Variants in NVL observed in about 807,000 individuals in gnomAD.
NVL encodes nuclear valosin-containing protein-like.
In NVL, 84 loss-of-function variants were observed where a neutral mutation model predicts 110.2. The ratio of observed to expected loss-of-function variants is 0.76; its 90% CI spans 0.64 to 0.91. The LOEUF (loss-of-function observed/expected upper bound fraction) is 0.91, where lower values mean the gene tolerates loss of function less well. Ranked by LOEUF, NVL falls within the 40% of genes least tolerant of loss-of-function variation. The pLI is 0.00. For missense variants in NVL, 882 were observed against 1,035.9 expected (o/e 0.85, Z 2.04); for synonymous variants, 354 against 361.1 (o/e 0.98, Z 0.22).
chr1:224,233,634 CTGT>C, intron 20 of NVL, among the ~76,000 whole-genome samples: 1 of 152,104 alleles, frequency 6.6e-6, no homozygotes. Flanking sequence ...TGGCATGCAC[CTGT>C]AGTCCCAGGC....
chr1:224,286,057 G>C lies in NVL; in HGVS notation c.1868C>G (p.Pro623Arg). 1.2e-6 allele frequency: 2 copies of C among 1,613,988 alleles called. No individual in the cohort carries two copies. Among genetic ancestry groups the C allele is most frequent in the South Asian group, 1.1e-5 (1 of 91,076 alleles). Residue 623 changes from proline to arginine, a missense_variant, in exon 15 of 23, where the codon CCT becomes CGT. By Grantham distance (103) the Pro-to-Arg change is moderately radical (BLOSUM62 -2). This residue lies in a region of NVL where 416 missense variants were observed against 499.3 expected (regional missense o/e 0.83). Transcript: ENST00000281701. Reference protein sequence around the residue: ...VTPAGVLLAGPPGCGKTLLAK... With the variant: ...VTPAGVLLAGRPGCGKTLLAK... ...CAGCAGAGTCTTCCCACAGCCAGGA[G>C]GACCAGCAAGGAGGACCCCAGCTGG...
rs1157825803 is a variant in NVL, at chr1:224,318,232, T to C, written c.132-302A>G. 2.0e-5 allele frequency among the ~76,000 whole-genome samples: 3 copies of C among 152,186 alleles called. No homozygotes were observed. In the South Asian group the frequency reaches 6.2e-4, roughly 32 times the overall value. ...CTCGTATATTCTTTACCTATAGTAT[T>C]CTCAAACTGCCACATTTACTTTACT... On this transcript the variant is annotated intron_variant, in intron 2 of 22. Transcript: ENST00000281701.
At chr1:224,259,752 T>G (rs1402307773) in intron 18 of NVL, among the ~76,000 whole-genome samples, 3 of 152,100 alleles carry the variant, frequency 2.0e-5, no homozygotes, top group Non-Finnish European at 4.4e-5. Context: ...CTTTCCAGGT[T>G]CAAGCAATTC....
At chr1:224,328,469 G>GA (rs34119387) in intron 1 of NVL, among the ~76,000 whole-genome samples, 130,089 of 144,074 alleles carry the variant, frequency 0.9, 58,909 homozygotes, top group Middle Eastern at 0.96. Flanking sequence ...GCAGTGAGCA[G>GA]AAAAAAAAAA....
chr1:224,305,447 G>A (rs1558336717), intron 6 of NVL: 1 of 255,572 alleles, frequency 3.9e-6, no homozygotes, highest in East Asian at 7.4e-5. Flanking sequence ...CCCTGTGCAA[G>A]GATGACATGG....
At chr1:224,244,841 C>T (rs1661630684) in intron 19 of NVL, among the ~76,000 whole-genome samples, 1 of 152,108 alleles carries the variant, frequency 6.6e-6, no homozygotes, top group Admixed American at 6.5e-5. Context: ...GCACGCACCA[C>T]CACGCCCAGC....
Position 224,314,778 on chromosome 1 carries a change from T to G in NVL, c.284+2916A>C, listed in dbSNP as rs180846827. Among the ~76,000 whole-genome samples the G allele has an allele frequency of 1.0e-3, 159 of 151,996 alleles. 1 individual carries two copies. Among genetic ancestry groups the G allele is most frequent in the Non-Finnish European group, 2.2e-4 (15 of 67,932 alleles). On this transcript the variant is annotated intron_variant, in intron 4 of 22. Transcript: ENST00000281701. Reference sequence around the variant, plus strand: ...ATTCCAAAAATGAACAAAAGAAAATTCAGACCAATATGACATACAGATGCA... The same window carrying G: ...ATTCCAAAAATGAACAAAAGAAAATGCAGACCAATATGACATACAGATGCA...
In NVL at chr1:224,307,922, T is replaced by C. The variant is rs74146346; in HGVS notation, c.615+69A>G. On this transcript the variant is annotated intron_variant, in intron 6 of 22. Transcript: ENST00000281701. ...CCACAAAACACAAGTATCTGATTGA[T>C]ATTATATTCAACTAAAAGGTTGAAA... The C allele has an allele frequency of 3.5e-3, 4,981 of 1,413,150 alleles. 198 individuals are homozygous for C. In the African/African-American group the frequency reaches 0.064, roughly 18 times the overall value. The allele number at this position is 1,413,150 out of a possible 1,614,324, so 87.5% of individuals were successfully genotyped here.
rs112225008 is a variant in NVL, at chr1:224,319,080, A to G, written c.132-1150T>C. Among the ~76,000 whole-genome samples, 828 of 134,904 alleles carry G rather than the reference A, an allele frequency of 6.1e-3. 7 individuals carry two copies. Among genetic ancestry groups the G allele is most frequent in the African/African-American group, 0.021 (776 of 36,330 alleles). The allele number at this position is 134,904 out of a possible 152,430, so 88.5% of individuals were successfully genotyped here. Reference sequence around the variant, plus strand: ...TGAGGCAGGAGAATCCCATGAACCCAGGAGGCGGAGGTTGCAGTGAGCCGA... The same window carrying G: ...TGAGGCAGGAGAATCCCATGAACCCGGGAGGCGGAGGTTGCAGTGAGCCGA... On this transcript the variant is annotated intron_variant, in intron 2 of 22. Transcript: ENST00000281701.
intron 18 of NVL, among the ~76,000 whole-genome samples, chr1:224,251,677 T>A (rs529233716): frequency 2.0e-5 from 3 of 152,154 alleles, no homozygotes; most frequent in African/African-American, 7.2e-5. Context: ...TGTCCTTAAG[T>A]AAATGAAAAG....
chr1:224,326,643 A>T (rs1671172528), intron 1 of NVL, among the ~76,000 whole-genome samples, 179 bp from the exon 2 acceptor site: 1 of 152,236 alleles, frequency 6.6e-6, no homozygotes, highest in Non-Finnish European at 1.5e-5. Flanking sequence ...CAGAAAATTT[A>T]ATTAACATTA....
At chr1:224,277,116 A>G (rs1480540306) in intron 16 of NVL, among the ~76,000 whole-genome samples, 1 of 152,126 alleles carries the variant, frequency 6.6e-6, no homozygotes, top group East Asian at 1.9e-4. Flanking sequence ...ATATTATATT[A>G]CAAAGCCCTT....
intron 13 of NVL, 155 bp downstream of exon 13, chr1:224,289,329 T>A: frequency 1.7e-6 from 1 of 595,408 alleles, no homozygotes; most frequent in Non-Finnish European, 2.7e-6. Context: ...ATTTTTGAAA[T>A]GATAAACATC....
intron 19 of NVL, among the ~76,000 whole-genome samples, chr1:224,242,616 C>T (rs1263175109): frequency 4.8e-5 from 7 of 146,938 alleles, no homozygotes; most frequent in South Asian, 2.2e-4. Context: ...TACAGGTGCA[C>T]GCCACCATGC....
At chr1:224,310,347 G>A (rs956045566) in intron 5 of NVL, among the ~76,000 whole-genome samples, 1 of 152,088 alleles carries the variant, frequency 6.6e-6, no homozygotes, top group South Asian at 2.1e-4. Context: ...AGCATTTGCA[G>A]GTATTCATGT....
rs185884055 is a variant in NVL, at chr1:224,319,452, C to T, written c.132-1522G>A. On this transcript the variant is annotated intron_variant, in intron 2 of 22. Transcript: ENST00000281701. The stretch of plus-strand genomic sequence containing the variant: ...CCTCCTGAGTAGCTGGGACTACAGG[C>T]GCCTGCCACCACACCCGGCTATTTT... Among the ~76,000 whole-genome samples the T allele has an allele frequency of 3.0e-3, 457 of 151,870 alleles. 1 individual carries two copies. The highest frequency in any genetic ancestry group is 0.01 in the African/African-American group (419 of 41,474).
At chr1:224,316,221 A>G (rs1448221210) in intron 4 of NVL, among the ~76,000 whole-genome samples, 25 of 152,204 alleles carry the variant, frequency 1.6e-4, no homozygotes, top group Admixed American at 1.6e-3. Flanking sequence ...TAATTGCAGC[A>G]TGTCCATACA....
At chr1:224,257,686 C>T (rs950320308) in intron 18 of NVL, among the ~76,000 whole-genome samples, 3 of 152,058 alleles carry the variant, frequency 2.0e-5, no homozygotes, top group Non-Finnish European at 2.9e-5. Flanking sequence ...CACCACCATG[C>T]CCATTTAATT....
chr1:224,231,957 G>A (rs568644067), intron 21 of NVL: 2 of 152,240 alleles, frequency 1.3e-5, no homozygotes, highest in East Asian at 3.9e-4. Flanking sequence ...GAACCAGGAG[G>A]TGGAGGTTGC....
Sources: gnomAD v4.1 joint callset for allele counts (sites outside exome capture counted in the v4.1 genomes callset) on GRCh38, gnomAD v4.1.1 for gene constraint, gnomAD v4.1.1 regional missense constraint, MANE v1.5 for transcripts, NCBI Gene and HGNC (gene_info 2026-07-23, HGNC 2026-07-21) for gene names.